Variants in KCNG3 observed in about 807,000 individuals in gnomAD.
KCNG3 encodes voltage-gated potassium channel regulatory subunit KCNG3.
Under a neutral mutation model 29.0 loss-of-function variants are expected in KCNG3, and 15 were observed. The ratio of observed to expected loss-of-function variants is 0.52; its 90% CI spans 0.35 to 0.80. The LOEUF (loss-of-function observed/expected upper bound fraction) is 0.80. KCNG3 is among the 30% of genes least tolerant of loss of function. KCNG3 has a pLI of 0.01. For synonymous variants in KCNG3, 322 were observed against 248.9 expected, an observed-to-expected ratio of 1.29 and a Z score of -2.76; for missense variants, 512 against 605.7, an observed-to-expected ratio of 0.85 and a Z score of 1.62.
At chr2:42,485,770 C>T (rs1431987140) in intron 1 of KCNG3, among the ~76,000 whole-genome samples, 3 of 152,110 alleles carry the variant, frequency 2.0e-5, no homozygotes, top group Non-Finnish European at 4.4e-5. Context: ...TTTTAAAAAA[C>T]AACTTGTCTA....
chr2:42,396,541 C>T, the KCNG3 span, among the ~76,000 whole-genome samples: 1 of 152,238 alleles, frequency 6.6e-6, no homozygotes, highest in Admixed American at 6.5e-5. Context: ...GAAAAGTAGG[C>T]AAGAAGAGGT....
the KCNG3 span, among the ~76,000 whole-genome samples, chr2:42,398,805 C>T: frequency 2.6e-5 from 4 of 152,128 alleles, no homozygotes; most frequent in African/African-American, 9.7e-5. Flanking sequence ...CAGTAGGGTC[C>T]CAGAGCTCCA....
At chr2:42,403,629 T>C in the KCNG3 span, among the ~76,000 whole-genome samples, 1 of 150,738 alleles carries the variant, frequency 6.6e-6, no homozygotes, top group African/African-American at 2.4e-5. Context: ...TTCTTTTTTT[T>C]TTTTTTTGTA....
At chr2:42,422,660 G>A in the KCNG3 span, among the ~76,000 whole-genome samples, 30 of 152,134 alleles carry the variant, frequency 2.0e-4, no homozygotes, top group African/African-American at 7.0e-4. Context: ...ACAATTAGAA[G>A]TAATGGCTAT....
At chr2:42,446,784 T>C (rs1291287454) in intron 1 of KCNG3, among the ~76,000 whole-genome samples, 1 of 152,210 alleles carries the variant, frequency 6.6e-6, no homozygotes, top group African/African-American at 2.4e-5. Context: ...AACTTTTATT[T>C]TCTGAATAGG....
intron 1 of KCNG3, among the ~76,000 whole-genome samples, chr2:42,452,242 T>C (rs1322867365): frequency 6.2e-5 from 4 of 64,172 alleles, no homozygotes; most frequent in Non-Finnish European, 1.2e-4. Context: ...TATATATATA[T>C]ATTTTTTTTT....
chr2:42,401,950 C>G, the KCNG3 span, among the ~76,000 whole-genome samples: 3 of 152,140 alleles, frequency 2.0e-5, no homozygotes, highest in African/African-American at 7.2e-5. Context: ...GGTTAATTTT[C>G]TGTGTCAACA....
At chr2:42,447,478 C>T (rs1351276621) in intron 1 of KCNG3, among the ~76,000 whole-genome samples, 1 of 151,854 alleles carries the variant, frequency 6.6e-6, no homozygotes, top group East Asian at 1.9e-4. Flanking sequence ...TTTATTTAAC[C>T]AGTCCACCAG....
At chr2:42,447,828 C>T (rs560861496) in intron 1 of KCNG3, among the ~76,000 whole-genome samples, 1 of 151,984 alleles carries the variant, frequency 6.6e-6, no homozygotes, top group Non-Finnish European at 1.5e-5. Context: ...TGAGCCCAGC[C>T]AATGCAATGA....
At chr2:42,482,081 C>A (rs1673600332) in intron 1 of KCNG3, among the ~76,000 whole-genome samples, 1 of 152,166 alleles carries the variant, frequency 6.6e-6, no homozygotes, top group Non-Finnish European at 1.5e-5. Context: ...GCCTCAGCCT[C>A]CCAAACAGCT....
chr2:42,416,439 C>T, the KCNG3 span, among the ~76,000 whole-genome samples: 7 of 152,108 alleles, frequency 4.6e-5, 1 homozygote, highest in South Asian at 4.2e-4. Flanking sequence ...CAACAAGATG[C>T]GGTCTAAAAC....
chr2:42,476,828 A>G (rs1438389607), intron 1 of KCNG3, among the ~76,000 whole-genome samples: 1 of 151,602 alleles, frequency 6.6e-6, no homozygotes, highest in African/African-American at 2.4e-5. Flanking sequence ...ACTGATAATC[A>G]TATAACTTTG....
the KCNG3 span, among the ~76,000 whole-genome samples, chr2:42,429,808 G>A: frequency 6.6e-6 from 1 of 152,160 alleles, no homozygotes. Flanking sequence ...TCAACCAGTG[G>A]ACCTCGAGTA....
the KCNG3 span, among the ~76,000 whole-genome samples, chr2:42,399,879 C>T: frequency 6.6e-6 from 1 of 152,150 alleles, no homozygotes; most frequent in South Asian, 2.1e-4. Context: ...CTGACTCCTG[C>T]CTTAGAAACT....
intron 1 of KCNG3, among the ~76,000 whole-genome samples, chr2:42,480,539 T>A (rs1056674786): frequency 1.3e-5 from 2 of 152,148 alleles, no homozygotes; most frequent in Non-Finnish European, 2.9e-5. Context: ...ATAAACAATA[T>A]GTAAAAGAAT....
At chr2:42,412,196 A>G in the KCNG3 span, among the ~76,000 whole-genome samples, 1 of 152,210 alleles carries the variant, frequency 6.6e-6, no homozygotes, top group Non-Finnish European at 1.5e-5. Context: ...CTTTGAAATC[A>G]TTACTCCCAC....
At chr2:42,428,648 A>C in the KCNG3 span, among the ~76,000 whole-genome samples, 2,404 of 152,226 alleles carry the variant, frequency 0.016, 59 homozygotes, top group African/African-American at 0.053. Context: ...TTTCCAAATT[A>C]GATCAAAAGA....
chr2:42,444,271 A>G lies in KCNG3; in HGVS notation c.974T>C (p.Met325Thr). 2 of 1,614,234 alleles carry G rather than the reference A, an allele frequency of 1.2e-6. No homozygotes were observed. The highest frequency in any genetic ancestry group is 8.5e-7 in the Non-Finnish European group (1 of 1,180,038). The change falls in exon 2 of 2, where the codon ATG becomes ACG. Residue 325 changes from methionine (M) to threonine (T), a missense_variant. Transcript: ENST00000306078. The surrounding 1 kb of genome is among the most constrained non-coding windows in gnomAD (Gnocchi z 5.8). ...GGCAACACAAATGAAGACAAGTAAC[A>G]TAACCATCTCTCGGTAGCAACGTTT... ...TLKRCYREMV[M>T]LLVFICVAMA...
chr2:42,493,267 C>T lies in KCNG3; in HGVS notation c.235G>A (p.Gly79Ser). 6.2e-7 allele frequency: 1 copy of T among 1,612,234 alleles called. No individual in the cohort carries two copies. The highest frequency in any genetic ancestry group is 8.5e-7 in the Non-Finnish European group (1 of 1,179,794). The change falls in exon 1 of 2, where the codon GGC (glycine) becomes AGC (serine). Residue 79 changes from glycine to serine, a missense_variant. By Grantham distance (56) the Gly-to-Ser change is moderately conservative (BLOSUM62 0). Around this residue, in one of 5 missense-constraint regions of KCNG3, gnomAD observed 91 missense variants for 91.1 expected, o/e 1.00. Transcript: ENST00000306078. ...GGCGCGAAGCGCAGCTTGCCGTGGC[C>T]GCGCACGTAGAGCAGGATGAAGCCG... ...AFGFILLYVR[G>S]HGKLRFAPRM...
Sources: allele counts gnomAD v4.1 joint callset (sites outside exome capture counted in the v4.1 genomes callset), GRCh38; gene constraint gnomAD v4.1.1; regional missense constraint gnomAD v4.1.1; non-coding constraint Gnocchi (gnomAD v3.1); transcripts MANE v1.5; gene names NCBI Gene and HGNC (gene_info 2026-07-23, HGNC 2026-07-21).